NUSAP1: variants seen among roughly 807,000 people sequenced by gnomAD.
NUSAP1 encodes the protein nucleolar and spindle-associated protein 1.
A neutral mutation model predicts 52.8 loss-of-function variants in NUSAP1; 32 were observed. The ratio of observed to expected loss-of-function variants is 0.61; its 90% CI spans 0.46 to 0.81. The LOEUF (loss-of-function observed/expected upper bound fraction) is 0.81. NUSAP1 is among the 40% of genes least tolerant of loss of function. The pLI, the probability that NUSAP1 is intolerant of heterozygous loss-of-function variation, is 0.00. For missense variants in NUSAP1, 499 were observed against 522.3 expected (o/e 0.96, Z 0.43); for synonymous variants, 195 against 183.1 (o/e 1.06, Z -0.52).
intron 4 of NUSAP1, among the ~76,000 whole-genome samples, chr15:41,354,685 A>G (rs1175994979): frequency 6.6e-6 from 1 of 150,450 alleles, no homozygotes; most frequent in East Asian, 1.9e-4. Context: ...ATATATATAT[A>G]TATATGTTTA....
intron 10 of NUSAP1, 129 bp downstream of exon 10, chr15:41,377,433 C>G (rs1037752353): frequency 9.9e-6 from 5 of 503,026 alleles, no homozygotes; most frequent in Non-Finnish European, 1.7e-5. Flanking sequence ...TGTGCGGTGG[C>G]TCACGCCTGT....
In NUSAP1 at chr15:41,333,776, A is replaced by G. The variant is rs143554031; in HGVS notation, c.93+726A>G. On this transcript the variant is annotated intron_variant, in intron 1 of 10. Coordinates refer to ENST00000559596, the MANE Select transcript of NUSAP1 (RefSeq NM_016359.5). ...GCGTGGTGGCACACGCCTGTGATCC[A>G]AGCTTTTTGCCTGTGATCCCAGCTA... Among the ~76,000 whole-genome samples the G allele has an allele frequency of 1.9e-3, 286 of 152,242 alleles. 2 individuals carry two copies. Among genetic ancestry groups the G allele is most frequent in the African/African-American group, 6.6e-3 (275 of 41,560 alleles).
chr15:41,337,079 C>T lies in NUSAP1; in HGVS notation c.93+4029C>T, dbSNP rs563546770. On this transcript the variant is annotated intron_variant, in intron 1 of 10. Coordinates refer to ENST00000559596, the MANE Select transcript of NUSAP1 (RefSeq NM_016359.5). ...TGGAGTTCTCTGGAGTGCAGTGGCACAATCAGGACTCACTGCAGCCTCAAC... is the reference window on the plus strand; with the variant it reads ...TGGAGTTCTCTGGAGTGCAGTGGCATAATCAGGACTCACTGCAGCCTCAAC... 2.1e-4 allele frequency among the ~76,000 whole-genome samples: 29 copies of T among 136,784 alleles called. No individual in the cohort carries two copies. In the South Asian group the frequency reaches 6.9e-3, roughly 32 times the overall value. 89.7% of individuals were successfully genotyped at this position (136,784 alleles called of 152,430 possible).
chr15:41,359,888 A>G (rs2049107578), intron 6 of NUSAP1, among the ~76,000 whole-genome samples: 1 of 151,490 alleles, frequency 6.6e-6, no homozygotes, highest in Non-Finnish European at 1.5e-5. Flanking sequence ...CCACCTCCCA[A>G]AGTGCTGGTA....
In NUSAP1 at chr15:41,358,213, A is replaced by G. The variant is rs1173806699; in HGVS notation, c.615A>G (p.Arg205=). ...EMESIDQYIE[R]KKKHFEEHNS... is the part of the protein sequence containing the mutation. ...AGTCCATTGATCAATATATTGAGAG[A>G]AAAAAGAAACATTTTGAAGAACACA... Residue 205 remains arginine (R), a synonymous_variant, in exon 6 of 11, where the codon AGA becomes AGG. Coordinates refer to ENST00000559596, the MANE Select transcript of NUSAP1 (RefSeq NM_016359.5). 1.8e-5 allele frequency: 29 copies of G among 1,578,406 alleles called. No individual in the cohort carries two copies. Among genetic ancestry groups the G allele is most frequent in the Non-Finnish European group, 2.4e-5 (28 of 1,151,826 alleles).
At chr15:41,334,476 G>A (rs943415564) in intron 1 of NUSAP1, among the ~76,000 whole-genome samples, 1 of 152,102 alleles carries the variant, frequency 6.6e-6, no homozygotes, top group Non-Finnish European at 1.5e-5. Flanking sequence ...TGACCAAAGG[G>A]TTTTCCTTGG....
rs1036252111 is a variant in NUSAP1, at chr15:41,380,387, T to G, written c.*201T>G. 6.4e-5 allele frequency: 26 copies of G among 407,284 alleles called. No homozygotes were observed. The highest frequency in any genetic ancestry group is 1.1e-4 in the Non-Finnish European group (24 of 225,586). The allele number at this position is 407,284 out of a possible 1,614,324, so 25.2% of individuals were successfully genotyped here. ...ACCTTAAAGCTCAAATTCTTTGGGA[T>G]GGTTTTTACTTAAGTCCATTAACAA... On this transcript the variant is annotated 3_prime_UTR_variant, in exon 11 of 11. Coordinates refer to ENST00000559596, the MANE Select transcript of NUSAP1 (RefSeq NM_016359.5).
chr15:41,358,454 T>C (rs1010025761), intron 6 of NUSAP1, among the ~76,000 whole-genome samples, 196 bp downstream of exon 6: 1 of 152,160 alleles, frequency 6.6e-6, no homozygotes, highest in Non-Finnish European at 1.5e-5. Context: ...AGTGAATCCA[T>C]GGCCAAGCGC....
intron 7 of NUSAP1, among the ~76,000 whole-genome samples, chr15:41,371,113 T>C (rs2049666438): frequency 6.6e-6 from 1 of 152,212 alleles, no homozygotes; most frequent in African/African-American, 2.4e-5. Flanking sequence ...GACATTCTTT[T>C]AGGAACATAC....
chr15:41,356,343 C>T (rs895462735), intron 5 of NUSAP1, among the ~76,000 whole-genome samples: 2 of 142,776 alleles, frequency 1.4e-5, no homozygotes, highest in Admixed American at 7.7e-5. Context: ...TACTATAGTG[C>T]CTATTTCTTT....
At chr15:41,335,610 TTAA>T (rs1355484155) in intron 1 of NUSAP1, among the ~76,000 whole-genome samples, 1 of 138,808 alleles carries the variant, frequency 7.2e-6, no homozygotes, top group African/African-American at 2.6e-5. Flanking sequence ...AATACTATAC[TTAA>T]TATACTATAT....
At chr15:41,360,286 C>G (rs1020816136) in intron 6 of NUSAP1, among the ~76,000 whole-genome samples, 1 of 151,238 alleles carries the variant, frequency 6.6e-6, no homozygotes, top group African/African-American at 2.4e-5. Flanking sequence ...TTACAGGCAA[C>G]CACCACCACA....
intron 6 of NUSAP1, among the ~76,000 whole-genome samples, chr15:41,362,357 A>C (rs2049208156): frequency 6.7e-6 from 1 of 150,124 alleles, no homozygotes; most frequent in African/African-American, 2.4e-5. Flanking sequence ...CTCAATTATT[A>C]TTCTTATTTA....
intron 7 of NUSAP1, 49 bp from the exon 8 acceptor site, chr15:41,371,478 G>C (rs1246294678): frequency 2.7e-6 from 4 of 1,468,786 alleles, no homozygotes; most frequent in Non-Finnish European, 9.1e-7. Context: ...CTAGACACAA[G>C]TTACTCTTGC....
chr15:41,364,402 C>T (rs1057335045), intron 6 of NUSAP1, among the ~76,000 whole-genome samples: 7 of 151,184 alleles, frequency 4.6e-5, no homozygotes, highest in South Asian at 4.2e-4. Flanking sequence ...AAAAATTAGT[C>T]GAGTGTGGTG....
chr15:41,342,364 A>G, intron 1 of NUSAP1, 22 bp from the exon 2 acceptor site: 1 of 1,519,056 alleles, frequency 6.6e-7, no homozygotes, highest in Middle Eastern at 1.7e-4. Context: ...TTTTGGCTCT[A>G]ATAATAAGGT....
chr15:41,375,626 T>G, intron 8 of NUSAP1, 86 bp from the exon 9 acceptor site: 1 of 914,222 alleles, frequency 1.1e-6, no homozygotes, highest in South Asian at 1.4e-5. Flanking sequence ...CGTGTATTTT[T>G]AAGATTGAGA....
At chr15:41,356,331 T>C (rs1004339708) in intron 5 of NUSAP1, among the ~76,000 whole-genome samples, 191 bp downstream of exon 5, 3 of 151,194 alleles carry the variant, frequency 2.0e-5, no homozygotes, top group Non-Finnish European at 4.4e-5. Flanking sequence ...TGGAAATAGT[T>C]ATACTATAGT....
intron 1 of NUSAP1, among the ~76,000 whole-genome samples, chr15:41,334,034 C>T (rs1201208015): frequency 6.6e-6 from 1 of 152,186 alleles, no homozygotes; most frequent in Admixed American, 6.5e-5. Flanking sequence ...CTGCTATATA[C>T]TCTGGAGGTT....
Sources: gnomAD v4.1 joint callset for allele counts (sites outside exome capture counted in the v4.1 genomes callset) on GRCh38, gnomAD v4.1.1 for gene constraint, MANE v1.5 for transcripts, NCBI Gene and HGNC (gene_info 2026-07-23, HGNC 2026-07-21) for gene names.